GALNT14: variants seen among roughly 807,000 people sequenced by gnomAD.
GALNT14 encodes UDP-GalNAc:polypeptide N-acetylgalactosaminyltransferase 14.
GALNT14 carries 60 observed loss-of-function variants against 77.5 expected under a neutral mutation model. That is an observed-to-expected ratio of 0.77 (90% CI 0.63 to 0.96). The LOEUF is 0.96. GALNT14 is among the 40% of genes least tolerant of loss of function. The pLI, the probability that GALNT14 is intolerant of heterozygous loss-of-function variation, is 0.00. For synonymous variants in GALNT14, 280 were observed against 281.7 expected, an observed-to-expected ratio of 0.99 and a Z score of 0.06; for missense variants, 710 against 731.0, an observed-to-expected ratio of 0.97 and a Z score of 0.33.
chr2:30,970,355 C>T (rs1379117268), intron 2 of GALNT14, among the ~76,000 whole-genome samples: 2 of 152,134 alleles, frequency 1.3e-5, no homozygotes, highest in East Asian at 3.9e-4. Context: ...CATCATTTAC[C>T]CTCTCTGAGC....
intron 1 of GALNT14, among the ~76,000 whole-genome samples, chr2:31,007,764 A>G (rs184314131): frequency 6.6e-6 from 1 of 152,202 alleles, no homozygotes; most frequent in Admixed American, 6.5e-5. Flanking sequence ...CCCTTAAGTT[A>G]TCCGTTTCCT....
chr2:31,024,153 ACTC>A (rs1671902378), intron 1 of GALNT14, among the ~76,000 whole-genome samples: 1 of 151,164 alleles, frequency 6.6e-6, no homozygotes, highest in African/African-American at 2.4e-5. Flanking sequence ...AACCCTGTGG[ACTC>A]CTCCTTGAAA....
At chr2:31,032,870 G>A (rs1295654134) in intron 1 of GALNT14, among the ~76,000 whole-genome samples, 1 of 152,156 alleles carries the variant, frequency 6.6e-6, no homozygotes, top group Non-Finnish European at 1.5e-5. Context: ...GAAACAGCTG[G>A]ACTCTGTAGA....
chr2:30,926,254 G>A (rs1665370605), intron 11 of GALNT14, among the ~76,000 whole-genome samples: 1 of 152,190 alleles, frequency 6.6e-6, no homozygotes, highest in South Asian at 2.1e-4. Flanking sequence ...TGATCATTTG[G>A]ATGGGAAAGA....
chr2:31,003,833 G>C (rs548143870), intron 1 of GALNT14, among the ~76,000 whole-genome samples: 291 of 152,374 alleles, frequency 1.9e-3, no homozygotes, highest in Non-Finnish European at 3.1e-3. Flanking sequence ...GACCTTCTAT[G>C]GAGATTAATT....
At chr2:31,052,080 C>T (rs558361449) in intron 1 of GALNT14, among the ~76,000 whole-genome samples, 20 of 152,240 alleles carry the variant, frequency 1.3e-4, no homozygotes, top group Admixed American at 7.2e-4. Flanking sequence ...TGGCGCTCCA[C>T]GGGACCATCC....
chr2:30,928,967 A>T (rs978309584), intron 11 of GALNT14, among the ~76,000 whole-genome samples: 2 of 152,134 alleles, frequency 1.3e-5, no homozygotes, highest in African/African-American at 4.8e-5. Flanking sequence ...CTCCCATGAA[A>T]CTTGAGCACT....
intron 14 of GALNT14, 146 bp downstream of exon 14, chr2:30,912,077 C>A (rs1367145366): frequency 1.0e-6 from 1 of 981,048 alleles, no homozygotes; most frequent in Non-Finnish European, 1.5e-6. Flanking sequence ...GGATCCCAGG[C>A]AGCACTTTCC....
chr2:31,090,448 C>T (rs570723827), intron 1 of GALNT14, among the ~76,000 whole-genome samples: 1 of 150,340 alleles, frequency 6.7e-6, no homozygotes, highest in South Asian at 2.1e-4. Context: ...AAAGCTCCAG[C>T]TCTGCTTGCA....
intron 1 of GALNT14, among the ~76,000 whole-genome samples, chr2:31,057,350 G>A (rs61587583): frequency 0.56 from 57,245 of 102,348 alleles, 12,950 homozygotes; most frequent in African/African-American, 0.67. Flanking sequence ...GTATATATAT[G>A]TGTGTGTGTG....
intron 1 of GALNT14, among the ~76,000 whole-genome samples, chr2:31,098,952 G>C (rs894319577): frequency 2.3e-4 from 35 of 152,114 alleles, no homozygotes; most frequent in African/African-American, 8.4e-4. Context: ...AGGCTGAGGA[G>C]GAGGAGGAAG....
chr2:31,136,972 A>G (rs1467292899), intron 1 of GALNT14, among the ~76,000 whole-genome samples: 3 of 152,070 alleles, frequency 2.0e-5, no homozygotes, highest in Non-Finnish European at 4.4e-5. Context: ...AGCTCCTCCA[A>G]GGCTTTTGCC....
rs1369049736 is a variant in GALNT14, at chr2:30,915,805, C to G, written c.1381-3463G>C. On this transcript the variant is annotated intron_variant, in intron 13 of 14. Coordinates refer to ENST00000349752, the MANE Select transcript of GALNT14 (RefSeq NM_024572.4). Reference sequence around the variant, plus strand: ...GGCAGGCCTCTAAGACAACTTTCAGCCCTGACTGAGTGGGTAAGTTAAATG... The same window carrying G: ...GGCAGGCCTCTAAGACAACTTTCAGGCCTGACTGAGTGGGTAAGTTAAATG... 3.3e-5 allele frequency among the ~76,000 whole-genome samples: 5 copies of G among 152,116 alleles called. No individual in the cohort carries two copies. The East Asian group carries it at 9.6e-4, about 29-fold the overall frequency.
chr2:30,906,323 CAG>C (rs1261797230), downstream of GALNT14, among the ~76,000 whole-genome samples: 2 of 150,078 alleles, frequency 1.3e-5, no homozygotes, highest in Admixed American at 6.6e-5. Flanking sequence ...ATCTCACGTG[CAG>C]AGACACACAT....
chr2:30,927,640 G>C (rs1665468774), intron 11 of GALNT14, among the ~76,000 whole-genome samples: 1 of 152,250 alleles, frequency 6.6e-6, no homozygotes, highest in Non-Finnish European at 1.5e-5. Context: ...AAGCAGTGAA[G>C]TTAATGGGTT....
At chr2:31,070,159 C>T (rs2148560918) in intron 1 of GALNT14, among the ~76,000 whole-genome samples, 2 of 152,268 alleles carry the variant, frequency 1.3e-5, no homozygotes, top group Non-Finnish European at 2.9e-5. Context: ...CAGTGGGATC[C>T]CTCGACCAAG....
At chr2:31,044,566 G>A (rs1673307616) in intron 1 of GALNT14, among the ~76,000 whole-genome samples, 1 of 152,140 alleles carries the variant, frequency 6.6e-6, no homozygotes, top group Non-Finnish European at 1.5e-5. Flanking sequence ...GATTCTTCTA[G>A]AAATTACATA....
At chr2:30,956,063 G>C (rs1014658670) in intron 4 of GALNT14, 86 bp from the exon 5 acceptor site, 1 of 1,345,358 alleles carries the variant, frequency 7.4e-7, no homozygotes, top group Non-Finnish European at 1.1e-6. Flanking sequence ...GAACCTGAAG[G>C]GTAGGTGAGG....
intron 1 of GALNT14, among the ~76,000 whole-genome samples, chr2:31,062,402 T>C (rs1558537612): frequency 1.3e-5 from 2 of 152,370 alleles, no homozygotes; most frequent in East Asian, 3.9e-4. Flanking sequence ...TATTCTTTTT[T>C]ATGGCTTCAT....
Sources: gnomAD v4.1 joint callset for allele counts (sites outside exome capture counted in the v4.1 genomes callset) on GRCh38, gnomAD v4.1.1 for gene constraint, MANE v1.5 for transcripts, NCBI Gene and HGNC (gene_info 2026-07-23, HGNC 2026-07-21) for gene names.